The following TOPAZ1 variants were observed in gnomAD, a reference collection of about 807,000 sequenced individuals.
The protein encoded by TOPAZ1 is testis and ovary specific TOPAZ 1, also known as protein TOPAZ1.
In TOPAZ1, 66 loss-of-function variants were observed where a neutral mutation model predicts 172.2. The ratio of observed to expected loss-of-function variants is 0.38; its 90% CI spans 0.31 to 0.47. TOPAZ1 has a LOEUF of 0.47. Ranked by LOEUF, TOPAZ1 falls within the 20% of genes least tolerant of loss-of-function variation. TOPAZ1 has a pLI of 0.99. For synonymous variants in TOPAZ1, 681 were observed against 683.9 expected, an observed-to-expected ratio of 1.00 and a Z score of 0.07; for missense variants, 1,822 against 1,972.4, an observed-to-expected ratio of 0.92 and a Z score of 1.44.
At chr3:44,294,029 T>C (rs1267031642) in intron 12 of TOPAZ1, among the ~76,000 whole-genome samples, 5 of 152,090 alleles carry the variant, frequency 3.3e-5, no homozygotes, top group Admixed American at 2.6e-4. Flanking sequence ...TCACCTGAGG[T>C]TGGGAGTTTG....
intron 2 of TOPAZ1, among the ~76,000 whole-genome samples, chr3:44,251,361 A>G (rs1699628483): frequency 6.6e-6 from 1 of 152,156 alleles, no homozygotes; most frequent in South Asian, 2.1e-4. Flanking sequence ...GACTCAAGCA[A>G]TCCTCCCACA....
intron 4 of TOPAZ1, among the ~76,000 whole-genome samples, chr3:44,258,632 A>C (rs771900436): frequency 6.6e-6 from 1 of 151,754 alleles, no homozygotes; most frequent in Non-Finnish European, 1.5e-5. Context: ...AAGTCATTGC[A>C]TATATCGGTA....
At chr3:44,263,239 T>TGGAGATACTAAAGAAAAAG (rs1364208580) in intron 5 of TOPAZ1, among the ~76,000 whole-genome samples, 1 of 152,176 alleles carries the variant, frequency 6.6e-6, no homozygotes, top group African/African-American at 2.4e-5. Context: ...CATGACCATT[T>TGGAGATACTAAAGAAAAAG]GGAGATACTA....
chr3:44,311,632 A>C (rs1216827991), intron 16 of TOPAZ1, among the ~76,000 whole-genome samples: 1 of 152,192 alleles, frequency 6.6e-6, no homozygotes, highest in Non-Finnish European at 1.5e-5. Flanking sequence ...TTTCAACTAA[A>C]AGTAATTTTC....
chr3:44,260,278 T>G (rs1160885821), intron 4 of TOPAZ1, among the ~76,000 whole-genome samples: 3 of 152,200 alleles, frequency 2.0e-5, no homozygotes, highest in African/African-American at 7.2e-5. Context: ...GATTTGATCT[T>G]TTTTACTTGT....
chr3:44,306,439 GT>G lies in TOPAZ1; in HGVS notation c.4140+18del. 6.7e-7 allele frequency: 1 copy of G among 1,493,080 alleles called. No individual in the cohort carries two copies. The highest frequency in any genetic ancestry group is 9.1e-7 in the Non-Finnish European group (1 of 1,101,560). 92.5% of individuals were successfully genotyped at this position (1,493,080 alleles called of 1,614,324 possible). A position where few individuals can be genotyped will look rare whatever the true frequency, so the allele number is the denominator to read the frequency against. The stretch of plus-strand genomic sequence containing the variant: ...GCAGTGGTCCAAGGTACTTCATTAA[GT>G]TTTTGTCTTGGCTTGGTATAGAGAC... On this transcript the variant is annotated intron_variant, in intron 15 of 19. Transcript: ENST00000309765.
At chr3:44,267,350 G>C (rs985843135) in intron 6 of TOPAZ1, among the ~76,000 whole-genome samples, 3 of 143,544 alleles carry the variant, frequency 2.1e-5, no homozygotes, top group Admixed American at 1.4e-4. Context: ...CTGGAGTGCA[G>C]TGGCACGATC....
At chr3:44,257,477 T>A (rs1448170087) in intron 4 of TOPAZ1, among the ~76,000 whole-genome samples, 12 of 23,978 alleles carry the variant, frequency 5.0e-4, no homozygotes, top group African/African-American at 1.8e-3. Context: ...ATAGTGTGTG[T>A]GTGTGTGTGT....
At chr3:44,301,726 T>C (rs1700274221) in intron 12 of TOPAZ1, among the ~76,000 whole-genome samples, 1 of 152,170 alleles carries the variant, frequency 6.6e-6, no homozygotes, top group Non-Finnish European at 1.5e-5. Context: ...TTCTTAAACT[T>C]TTAGAGTTCT....
At chr3:44,267,234 A>G (rs753409467) in intron 6 of TOPAZ1, 98 bp downstream of exon 6, 5 of 996,222 alleles carry the variant, frequency 5.0e-6, no homozygotes, top group Middle Eastern at 2.3e-4. Flanking sequence ...AAAAAGAAAA[A>G]TGGAATCATG....
At chr3:44,266,639 C>A (rs1483549626) in intron 5 of TOPAZ1, among the ~76,000 whole-genome samples, 1 of 152,172 alleles carries the variant, frequency 6.6e-6, no homozygotes, top group African/African-American at 2.4e-5. Flanking sequence ...ACACACACAT[C>A]ATTCATTGAT....
intron 9 of TOPAZ1, among the ~76,000 whole-genome samples, chr3:44,282,603 A>G (rs751485524): frequency 2.6e-5 from 4 of 152,038 alleles, no homozygotes; most frequent in Non-Finnish European, 4.4e-5. Context: ...TGATTCCACA[A>G]CCCCATCCCA....
At chr3:44,318,327 G>A (rs1436113568) in intron 16 of TOPAZ1, among the ~76,000 whole-genome samples, 1 of 152,030 alleles carries the variant, frequency 6.6e-6, no homozygotes, top group Non-Finnish European at 1.5e-5. Context: ...TGGCAGGCAC[G>A]TGTAGTCCCA....
At chr3:44,310,068 T>G in intron 16 of TOPAZ1, 78 bp downstream of exon 16, 4 of 1,316,782 alleles carry the variant, frequency 3.0e-6, no homozygotes, top group Non-Finnish European at 4.2e-6. Flanking sequence ...TACCTTAAGT[T>G]GATATTGAAC....
At chr3:44,280,913 A>C (rs952491608) in intron 8 of TOPAZ1, among the ~76,000 whole-genome samples, 3 of 152,188 alleles carry the variant, frequency 2.0e-5, no homozygotes, top group African/African-American at 7.2e-5. Context: ...GGTGTTGTTA[A>C]TTAGCAGCTT....
chr3:44,327,300 T>C (rs550127093), intron 18 of TOPAZ1, among the ~76,000 whole-genome samples: 1 of 152,346 alleles, frequency 6.6e-6, no homozygotes, highest in Non-Finnish European at 1.5e-5. Flanking sequence ...CAAAACATTC[T>C]AAGCAAAATT....
At chr3:44,257,412 TTTTATATATTTTATATATATATAAA>T (rs1699723924) in intron 4 of TOPAZ1, among the ~76,000 whole-genome samples, 5 of 122,818 alleles carry the variant, frequency 4.1e-5, no homozygotes, top group Admixed American at 7.8e-5. Context: ...TGTGTGTCTA[TTTTATATATTTTATATATATATAAA>T]ATGTGTGTGT....
intron 8 of TOPAZ1, among the ~76,000 whole-genome samples, chr3:44,273,302 T>A (rs1699917904): frequency 6.6e-6 from 1 of 152,196 alleles, no homozygotes; most frequent in South Asian, 2.1e-4. Context: ...GAAGCCTTTC[T>A]GTGATAAGGC....
chr3:44,298,919 T>TG (rs1559541902), intron 12 of TOPAZ1, among the ~76,000 whole-genome samples: 71 of 35,056 alleles, frequency 2.0e-3, no homozygotes, highest in African/African-American at 8.1e-3. Flanking sequence ...ATTTTTTTTT[T>TG]TTTTTTTTTT....
Sources: allele counts gnomAD v4.1 joint callset (sites outside exome capture counted in the v4.1 genomes callset), GRCh38; gene constraint gnomAD v4.1.1; transcripts MANE v1.5; gene names NCBI Gene and HGNC (gene_info 2026-07-23, HGNC 2026-07-21).